NF2: variants seen among roughly 807,000 people sequenced by gnomAD.
NF2 encodes NF2, moesin-ezrin-radixin like (MERLIN) tumor suppressor.
Under a neutral mutation model 83.7 loss-of-function variants are expected in NF2, and 8 were observed. The ratio of observed to expected loss-of-function variants is 0.10; its 90% confidence interval spans 0.06 to 0.17. The LOEUF (loss-of-function observed/expected upper bound fraction) is 0.17. Among genes scored for constraint, NF2 ranks in the 10% least tolerant of loss-of-function variants. NF2 has a pLI of 1.00. For synonymous variants in NF2, 266 were observed against 269.6 expected (o/e 0.99, Z 0.13); for missense variants, 533 against 744.4 (o/e 0.72, Z 3.31).
intron 3 of NF2, among the ~76,000 whole-genome samples, chr22:29,641,500 A>C (rs1260997192): frequency 2.0e-5 from 3 of 152,190 alleles, no homozygotes; most frequent in African/African-American, 7.2e-5. Context: ...GACTGTTGAC[A>C]TCTGTGAGAG....
intron 4 of NF2, among the ~76,000 whole-genome samples, chr22:29,643,010 T>C (rs1357723309): frequency 6.6e-6 from 1 of 152,070 alleles, no homozygotes; most frequent in Non-Finnish European, 1.5e-5. Context: ...CGGAGTTTCA[T>C]GTCCCTCAGA....
chr22:29,605,980 G>A (rs996059951), intron 1 of NF2, among the ~76,000 whole-genome samples: 2 of 152,054 alleles, frequency 1.3e-5, no homozygotes, highest in African/African-American at 4.8e-5. Context: ...TTGAGACGGA[G>A]TTTTGCTCTT....
intron 13 of NF2, among the ~76,000 whole-genome samples, chr22:29,675,858 A>G (rs1395289438): frequency 6.6e-6 from 1 of 152,206 alleles, no homozygotes; most frequent in African/African-American, 2.4e-5. Context: ...TGGCACAGGC[A>G]CATACATGAC....
intron 11 of NF2, 110 bp from the exon 12 acceptor site, chr22:29,673,159 G>C (rs2066854050): frequency 8.3e-7 from 1 of 1,199,358 alleles, no homozygotes; most frequent in Admixed American, 2.0e-5. Flanking sequence ...CTCAGCAGCA[G>C]GGCCCCAGGA....
chr22:29,642,354 CTCTT>C, intron 4 of NF2, 69 bp downstream of exon 4: 1 of 1,286,480 alleles, frequency 7.8e-7, no homozygotes, highest in South Asian at 1.2e-5. Context: ...CTCCTATCTT[CTCTT>C]TCTTTGGGTT....
chr22:29,614,975 G>C (rs1330241201), intron 1 of NF2, among the ~76,000 whole-genome samples: 2 of 152,120 alleles, frequency 1.3e-5, no homozygotes, highest in African/African-American at 2.4e-5. Context: ...CTTGAGGACA[G>C]GAGTTCAAGA....
rs1163172409 is a variant in NF2 at position 29,636,974 on chromosome 22, A to G, written c.240+98A>G. 2 of 1,555,560 alleles carry G rather than the reference A, an allele frequency of 1.3e-6. No individual in the cohort carries two copies. The highest frequency in any genetic ancestry group is 2.2e-5 in the East Asian group (1 of 44,630). ...CTCATCACTGGGGCGCTGTAGCTGTATAGTAGAGAAGGGGGCACATTCCTG... is the reference window on the plus strand; with the variant it reads ...CTCATCACTGGGGCGCTGTAGCTGTGTAGTAGAGAAGGGGGCACATTCCTG... On this transcript the variant is annotated intron_variant, in intron 2 of 15. Coordinates refer to ENST00000338641, the MANE Select transcript of NF2 (RefSeq NM_000268.4). The surrounding 1 kb of genome is among the most constrained non-coding windows in gnomAD (Gnocchi z 4.4).
intron 1 of NF2, among the ~76,000 whole-genome samples, chr22:29,624,578 C>G (rs989244019): frequency 1.3e-5 from 2 of 152,186 alleles, no homozygotes; most frequent in Non-Finnish European, 2.9e-5. Context: ...CCGTAGTGAG[C>G]ATTTGATAAA....
intron 15 of NF2, chr22:29,682,965 T>C: frequency 6.2e-7 from 1 of 1,604,460 alleles, no homozygotes; most frequent in South Asian, 1.1e-5. Context: ...CTTATGGCAT[T>C]GTTGATATCA....
intron 12 of NF2, among the ~76,000 whole-genome samples, chr22:29,674,374 C>T (rs1249967785): frequency 6.6e-6 from 1 of 152,208 alleles, no homozygotes; most frequent in African/African-American, 2.4e-5. Flanking sequence ...CATCTTTCTG[C>T]TGGAGAAAGT....
Position 29,678,410 on chromosome 22 carries a change from G to T in NF2, c.1574+87G>T, listed in dbSNP as rs2067032695. 4.0e-6 allele frequency: 6 copies of T among 1,515,154 alleles called. No homozygotes were observed. In the Admixed American group the frequency reaches 5.0e-5, roughly 13 times the overall value. The allele number at this position is 1,515,154 out of a possible 1,614,324, so 93.9% of individuals were successfully genotyped here. ...TGGGAAGCTGGGGCAGAGGTGAGAG[G>T]TCGCTGCAGCAGCCTGTCATTACTC... On this transcript the variant is annotated intron_variant, in intron 14 of 15. Coordinates refer to ENST00000338641, the MANE Select transcript of NF2 (RefSeq NM_000268.4).
At chr22:29,606,887 A>G (rs539307482) in intron 1 of NF2, among the ~76,000 whole-genome samples, 4 of 152,264 alleles carry the variant, frequency 2.6e-5, no homozygotes, top group Admixed American at 2.0e-4. Flanking sequence ...TCTACTAAAA[A>G]TACAAAAATT....
chr22:29,649,667 A>G (rs956322773), intron 4 of NF2, among the ~76,000 whole-genome samples: 5 of 151,974 alleles, frequency 3.3e-5, no homozygotes, highest in Non-Finnish European at 7.4e-5. Context: ...ACTTGAACCC[A>G]GGAGGCAGAG....
At chr22:29,672,128 G>A (rs2066812607) in intron 11 of NF2, among the ~76,000 whole-genome samples, 180 bp downstream of exon 11, 1 of 152,172 alleles carries the variant, frequency 6.6e-6, no homozygotes, top group African/African-American at 2.4e-5. Context: ...TTTAGGTTGA[G>A]CTTATGTGCA....
chr22:29,630,459 T>C (rs2146817454), intron 1 of NF2, among the ~76,000 whole-genome samples: 1 of 152,350 alleles, frequency 6.6e-6, no homozygotes, highest in Middle Eastern at 3.4e-3. Context: ...GGCACAAGTA[T>C]ATATCTATGA....
At chr22:29,621,792 A>G (rs547910032) in intron 1 of NF2, among the ~76,000 whole-genome samples, 1 of 152,078 alleles carries the variant, frequency 6.6e-6, no homozygotes, top group African/African-American at 2.4e-5. Context: ...CTCTGAGCCT[A>G]TTATCCTGGT....
At chr22:29,687,675 T>C (rs1319674385) in intron 15 of NF2, among the ~76,000 whole-genome samples, 1 of 152,200 alleles carries the variant, frequency 6.6e-6, no homozygotes, top group Non-Finnish European at 1.5e-5. Flanking sequence ...CTTTAGGAAC[T>C]GGGCGTTGTA....
chr22:29,661,419 G>A (rs554084055), intron 8 of NF2, 80 bp downstream of exon 8: 74 of 1,584,334 alleles, frequency 4.7e-5, no homozygotes, highest in Non-Finnish European at 6.4e-5. Context: ...CCCAGCCAGG[G>A]CATCTCCTTG....
chr22:29,670,268 G>C (rs960010657), intron 10 of NF2, among the ~76,000 whole-genome samples: 6 of 152,030 alleles, frequency 3.9e-5, no homozygotes, highest in African/African-American at 1.4e-4. Flanking sequence ...AAAGTGCTAG[G>C]GTTACAGGCA....
Sources: allele counts gnomAD v4.1 joint callset (sites outside exome capture counted in the v4.1 genomes callset), GRCh38; gene constraint gnomAD v4.1.1; non-coding constraint Gnocchi (gnomAD v3.1); transcripts MANE v1.5; gene names NCBI Gene and HGNC (gene_info 2026-07-23, HGNC 2026-07-21).